The following GALNT18 variants were observed in gnomAD, a reference collection of about 807,000 sequenced individuals.
GALNT18 encodes the protein polypeptide N-acetylgalactosaminyltransferase 18.
In GALNT18, 44 loss-of-function variants were observed where a neutral mutation model predicts 69.5. That is an observed-to-expected ratio of 0.63 (90% CI 0.50 to 0.81). The LOEUF is 0.81. GALNT18 is among the 40% of genes least tolerant of loss of function. The pLI is 0.00. For synonymous variants in GALNT18, 364 were observed against 318.2 expected (o/e 1.14, Z -1.53); for missense variants, 715 against 810.0 (o/e 0.88, Z 1.42).
rs757320454 is a variant in GALNT18, at chr11:11,377,345, G to A, written c.814C>T (p.Arg272Trp). The A allele has an allele frequency of 6.2e-6, 10 of 1,613,892 alleles. No individual in the cohort carries two copies. The highest frequency in any genetic ancestry group is 1.1e-5 in the South Asian group (1 of 91,070). ...AAGGATGGCGAGATGATCCGCTTCCGGTTCTCCTTGATGCGGGTGAGTACA... is the reference window on the plus strand; with the variant it reads ...AAGGATGGCGAGATGATCCGCTTCCAGTTCTCCTTGATGCGGGTGAGTACA... ...EPVLTRIKEN[R>W]KRIISPSFDN... Residue 272 changes from arginine (R) to tryptophan (W), a missense_variant, in exon 5 of 11, where the codon CGG becomes TGG. By Grantham distance (101) the Arg-to-Trp change is moderately radical (BLOSUM62 -3). Transcript: ENST00000227756. The surrounding 1 kb of genome is among the most constrained non-coding windows in gnomAD (Gnocchi z 4.6).
intron 6 of GALNT18, among the ~76,000 whole-genome samples, chr11:11,348,596 C>T (rs1850345328): frequency 1.3e-5 from 2 of 152,134 alleles, no homozygotes; most frequent in African/African-American, 4.8e-5. Flanking sequence ...ACATGGTTTG[C>T]AAGACCTCTG....
In GALNT18 at chr11:11,348,559, A is replaced by G. The variant is rs564654040; in HGVS notation, c.1093-7555T>C. Among the ~76,000 whole-genome samples the G allele has an allele frequency of 8.6e-4, 131 of 152,268 alleles. 1 individual carries two copies. The highest frequency in any genetic ancestry group is 1.4e-3 in the Non-Finnish European group (97 of 68,010). On this transcript the variant is annotated intron_variant, in intron 6 of 10. Transcript: ENST00000227756. ...TCTCACTCCCACACTGGTAACCTTT[A>G]GTCTCCAGATAACAGCACATTCCTT...
chr11:11,394,834 G>A (rs574077135), intron 3 of GALNT18, among the ~76,000 whole-genome samples: 2 of 152,268 alleles, frequency 1.3e-5, no homozygotes, highest in South Asian at 2.1e-4. Context: ...CCCTGGCACC[G>A]TAATGGGTTC....
At chr11:11,578,218 A>G (rs1284972444) in intron 1 of GALNT18, among the ~76,000 whole-genome samples, 16 of 137,720 alleles carry the variant, frequency 1.2e-4, no homozygotes, top group Admixed American at 9.6e-4. Context: ...GAGTCAGGAG[A>G]ACCCCAGCAG....
intron 1 of GALNT18, among the ~76,000 whole-genome samples, chr11:11,553,316 T>C (rs1350283852): frequency 6.6e-6 from 1 of 152,220 alleles, no homozygotes; most frequent in Non-Finnish European, 1.5e-5. Flanking sequence ...TGCTGCAGGA[T>C]TTCAGAAGAC....
chr11:11,332,949 C>A lies in GALNT18; in HGVS notation c.1279-118G>T. ...GATTCCTAGAGACTGGGGAAGGGACCATGTGGCACGTTAACTCTTGCATTT... is the reference window on the plus strand; with the variant it reads ...GATTCCTAGAGACTGGGGAAGGGACAATGTGGCACGTTAACTCTTGCATTT... On this transcript the variant is annotated intron_variant, in intron 7 of 10. Transcript: ENST00000227756. The surrounding 1 kb of genome is among the most constrained non-coding windows in gnomAD (Gnocchi z 4.3). 2 of 1,102,074 alleles carry A rather than the reference C, an allele frequency of 1.8e-6. No homozygotes were observed. Among genetic ancestry groups the A allele is most frequent in the East Asian group, 2.4e-5 (1 of 41,554 alleles). 68.3% of individuals were successfully genotyped at this position (1,102,074 alleles called of 1,614,324 possible).
Position 11,387,271 on chromosome 11 carries a change from T to C in GALNT18, c.596-8007A>G, listed in dbSNP as rs1427304892. Among the ~76,000 whole-genome samples, 3 of 152,174 alleles carry C rather than the reference T, an allele frequency of 2.0e-5. No individual in the cohort carries two copies. Among genetic ancestry groups the C allele is most frequent in the Non-Finnish European group, 4.4e-5 (3 of 68,022 alleles). On this transcript the variant is annotated intron_variant, in intron 3 of 10. Transcript: ENST00000227756. The surrounding 1 kb of genome is among the most constrained non-coding windows in gnomAD (Gnocchi z 4.6). Reference sequence around the variant, plus strand: ...ACTTGGCCATCTTTGGGTCTGATGTTTTGGACTGTCCCCTGTCATTTCCCA... The same window carrying C: ...ACTTGGCCATCTTTGGGTCTGATGTCTTGGACTGTCCCCTGTCATTTCCCA...
intron 10 of GALNT18, among the ~76,000 whole-genome samples, chr11:11,285,680 C>A (rs750978086): frequency 6.6e-6 from 1 of 152,178 alleles, no homozygotes; most frequent in African/African-American, 2.4e-5. Context: ...ATTAAATACT[C>A]GATTATTGTC....
intron 1 of GALNT18, among the ~76,000 whole-genome samples, chr11:11,462,952 A>C (rs1036419543): frequency 6.6e-6 from 1 of 152,180 alleles, no homozygotes; most frequent in South Asian, 2.1e-4. Context: ...AGCCCTGGGC[A>C]CACCAGCAAA....
rs140097917 is a variant in GALNT18, at chr11:11,538,942, C to T, written c.235+82417G>A. ...AGGTGCCCCCCAGATCCCTGGGTGC[C>T]GTGGGCCTCCCTTTTCACTCAGTCC... On this transcript the variant is annotated intron_variant, in intron 1 of 10. Coordinates refer to ENST00000227756, the MANE Select transcript of GALNT18 (RefSeq NM_198516.3). The surrounding 1 kb of genome is among the most constrained non-coding windows in gnomAD (Gnocchi z 5.2). Among the ~76,000 whole-genome samples, 7 of 152,310 alleles carry T rather than the reference C, an allele frequency of 4.6e-5. No individual in the cohort carries two copies. The highest frequency in any genetic ancestry group is 9.6e-5 in the African/African-American group (4 of 41,568).
rs1468650643 is a variant in GALNT18 at position 11,523,705 on chromosome 11, C to T, written c.236-74769G>A. ...CTGCACTCCAGCCTGGGCAACAGAGCGAGACTCCATCTCAAAAAAAAAAAA... is the reference window on the plus strand; with the variant it reads ...CTGCACTCCAGCCTGGGCAACAGAGTGAGACTCCATCTCAAAAAAAAAAAA... On this transcript the variant is annotated intron_variant, in intron 1 of 10. Coordinates refer to ENST00000227756, the MANE Select transcript of GALNT18 (RefSeq NM_198516.3). The surrounding 1 kb of genome is among the most constrained non-coding windows in gnomAD (Gnocchi z 4.3). Among the ~76,000 whole-genome samples, 8 of 148,908 alleles carry T rather than the reference C, an allele frequency of 5.4e-5. No homozygotes were observed. Among genetic ancestry groups the T allele is most frequent in the South Asian group, 2.1e-4 (1 of 4,668 alleles).
At chr11:11,508,594 G>A (rs4290223) in intron 1 of GALNT18, among the ~76,000 whole-genome samples, 148,831 of 152,318 alleles carry the variant, frequency 0.98, 72,752 homozygotes, top group South Asian at 1. Context: ...TTGTTTTTTA[G>A]TCGCTGCAAT....
At position 11,497,370 on chromosome 11, in the gene GALNT18, A is replaced by ACC. The variant is rs1554943750; in HGVS notation, c.236-48436_236-48435dup. 1.1e-3 allele frequency among the ~76,000 whole-genome samples: 147 copies of ACC among 134,686 alleles called. No individual in the cohort carries two copies. Among genetic ancestry groups the ACC allele is most frequent in the Middle Eastern group, 7.2e-3 (2 of 276 alleles). 88.4% of individuals were successfully genotyped at this position (134,686 alleles called of 152,430 possible). A position where few individuals can be genotyped will look rare whatever the true frequency, so the allele number is the denominator to read the frequency against. On this transcript the variant is annotated intron_variant, in intron 1 of 10. Coordinates refer to ENST00000227756, the MANE Select transcript of GALNT18 (RefSeq NM_198516.3). The surrounding 1 kb of genome is among the most constrained non-coding windows in gnomAD (Gnocchi z 4.2). ...CACACACACACACACACACACACAC[A>ACC]CCCCTTAGAATGGGGCTCCTTAAGA...
Position 11,363,647 on chromosome 11 carries a change from A to G in GALNT18, c.1092+8868T>C, listed in dbSNP as rs116012062. ...GTTTGAATGAGAAAGATCATCATGAATGCCTGAAATATTTTAGCTCTATAA... is the reference window on the plus strand; with the variant it reads ...GTTTGAATGAGAAAGATCATCATGAGTGCCTGAAATATTTTAGCTCTATAA... On this transcript the variant is annotated intron_variant, in intron 6 of 10. Coordinates refer to ENST00000227756, the MANE Select transcript of GALNT18 (RefSeq NM_198516.3). 2.2e-3 allele frequency among the ~76,000 whole-genome samples: 340 copies of G among 152,328 alleles called. 2 individuals are homozygous for G. The highest frequency in any genetic ancestry group is 8.0e-3 in the African/African-American group (331 of 41,576).
intron 3 of GALNT18, among the ~76,000 whole-genome samples, chr11:11,429,685 TATC>T (rs531378955): frequency 6.6e-6 from 1 of 152,208 alleles, no homozygotes; most frequent in Non-Finnish European, 1.5e-5. Flanking sequence ...CGTGGTCAGT[TATC>T]ATCCATGGTG....
intron 1 of GALNT18, among the ~76,000 whole-genome samples, chr11:11,488,070 C>T (rs1483186164): frequency 6.6e-6 from 1 of 152,204 alleles, no homozygotes; most frequent in Non-Finnish European, 1.5e-5. Context: ...TCTCCCTAAA[C>T]TTCAGGGGAT....
intron 1 of GALNT18, among the ~76,000 whole-genome samples, chr11:11,503,480 T>G (rs1857011870): frequency 6.6e-6 from 1 of 152,194 alleles, no homozygotes; most frequent in South Asian, 2.1e-4. Flanking sequence ...ACCTGAATCC[T>G]TGCAGGGATG....
At chr11:11,398,182 A>G (rs1854378371) in intron 3 of GALNT18, among the ~76,000 whole-genome samples, 1 of 152,214 alleles carries the variant, frequency 6.6e-6, no homozygotes, top group African/African-American at 2.4e-5. Context: ...TAAGTAGCAG[A>G]GGCTTGATTC....
At chr11:11,552,922 C>G (rs1858235693) in intron 1 of GALNT18, among the ~76,000 whole-genome samples, 1 of 152,176 alleles carries the variant, frequency 6.6e-6, no homozygotes, top group African/African-American at 2.4e-5. Context: ...CTGAGCCACT[C>G]CAGACTGAGA....
Sources: allele counts gnomAD v4.1 joint callset (sites outside exome capture counted in the v4.1 genomes callset), GRCh38; gene constraint gnomAD v4.1.1; non-coding constraint Gnocchi (gnomAD v3.1); transcripts MANE v1.5; gene names NCBI Gene and HGNC (gene_info 2026-07-23, HGNC 2026-07-21).